NHSL1: variants seen among roughly 807,000 people sequenced by gnomAD.
NHSL1 encodes NHS-like protein 1.
A neutral mutation model predicts 95.0 loss-of-function variants in NHSL1; 48 were observed. That is an observed-to-expected ratio of 0.51 (90% CI 0.40 to 0.64). The LOEUF is 0.64. NHSL1 is among the 30% of genes least tolerant of loss of function. NHSL1 has a pLI of 0.00. For synonymous variants in NHSL1, 783 were observed against 833.9 expected (o/e 0.94, Z 1.05); for missense variants, 1,971 against 2,077.7 (o/e 0.95, Z 1.00).
At chr6:138,513,043 T>A (rs7741929) in intron 1 of NHSL1, among the ~76,000 whole-genome samples, 6,958 of 152,294 alleles carry the variant, frequency 0.046, 161 homozygotes, top group Middle Eastern at 0.071. Flanking sequence ...ATGTGCTATG[T>A]GTTCTACACA....
chr6:138,607,734 A>G (rs1784453889), intron 1 of NHSL1, among the ~76,000 whole-genome samples: 1 of 152,152 alleles, frequency 6.6e-6, no homozygotes, highest in Non-Finnish European at 1.5e-5. Flanking sequence ...CTTCCTTCCC[A>G]TGAGGCTTTG....
At chr6:138,528,730 C>T (rs1001240719) in intron 1 of NHSL1, among the ~76,000 whole-genome samples, 2 of 152,212 alleles carry the variant, frequency 1.3e-5, no homozygotes, top group African/African-American at 4.8e-5. Flanking sequence ...TGGCAAAACA[C>T]AGACCAGACT....
At chr6:138,486,072 C>A (rs181808380) in intron 2 of NHSL1, among the ~76,000 whole-genome samples, 1 of 152,168 alleles carries the variant, frequency 6.6e-6, no homozygotes, top group African/African-American at 2.4e-5. Flanking sequence ...TCCGACCCTC[C>A]GCTTTGCCCT....
At chr6:138,555,320 T>A (rs1318351521) in intron 1 of NHSL1, among the ~76,000 whole-genome samples, 2 of 152,354 alleles carry the variant, frequency 1.3e-5, no homozygotes, top group African/African-American at 4.8e-5. Context: ...TATTTCTATT[T>A]AATGCATCTT....
chr6:138,573,210 A>C (rs180917595), upstream of NHSL1, among the ~76,000 whole-genome samples: 9 of 152,194 alleles, frequency 5.9e-5, no homozygotes, highest in South Asian at 2.1e-4. Context: ...TCTGCAAACT[A>C]TCTAGAGCCA....
At chr6:138,640,344 A>T in intron 1 of NHSL1, among the ~76,000 whole-genome samples, 1 of 152,208 alleles carries the variant, frequency 6.6e-6, no homozygotes, top group Non-Finnish European at 1.5e-5. Flanking sequence ...GCATTTTCAC[A>T]GCACCTATCA....
upstream of NHSL1, among the ~76,000 whole-genome samples, chr6:138,547,014 T>A (rs191975865): frequency 6.6e-6 from 1 of 152,330 alleles, no homozygotes; most frequent in Non-Finnish European, 1.5e-5. Flanking sequence ...GAAGTGGCCA[T>A]TGTTCACAGG....
At chr6:138,555,008 T>TA (rs1414431714) in intron 1 of NHSL1, among the ~76,000 whole-genome samples, 1 of 152,132 alleles carries the variant, frequency 6.6e-6, no homozygotes, top group Non-Finnish European at 1.5e-5. Flanking sequence ...TCCCTGTCTT[T>TA]AAGAGTTTAA....
chr6:138,473,965 G>A (rs1453105621), intron 2 of NHSL1, among the ~76,000 whole-genome samples: 1 of 152,048 alleles, frequency 6.6e-6, no homozygotes, highest in Non-Finnish European at 1.5e-5. Flanking sequence ...TAATTTTGAT[G>A]TCAAACAGCC....
intron 1 of NHSL1, among the ~76,000 whole-genome samples, chr6:138,656,077 G>A (rs550445198): frequency 1.3e-5 from 2 of 152,308 alleles, no homozygotes; most frequent in South Asian, 4.1e-4. Flanking sequence ...TGACTCTGAG[G>A]AGAAACCCAT....
At chr6:138,650,405 G>A (rs796964681) in intron 1 of NHSL1, 2 of 1,427,760 alleles carry the variant, frequency 1.4e-6, no homozygotes, top group South Asian at 1.1e-5. Context: ...CGACTAGCAG[G>A]AAGGGGTAGG....
At position 138,656,024 on chromosome 6, in the gene NHSL1, C is replaced by T. The variant is rs559719098; in HGVS notation, c.96+36452G>A. On this transcript the variant is annotated intron_variant, in intron 1 of 3. Coordinates refer to the NHSL1 transcript ENST00000491526. ...GAGAAAGCCCTCCCTCTTTCCTCTTCTTTCTGCCTTCAATGGGTCCTGGAC... is the reference window on the plus strand; with the variant it reads ...GAGAAAGCCCTCCCTCTTTCCTCTTTTTTCTGCCTTCAATGGGTCCTGGAC... Among the ~76,000 whole-genome samples the T allele has an allele frequency of 5.9e-5, 9 of 152,352 alleles. 1 individual carries two copies. The East Asian group carries it at 1.7e-3, about 29-fold the overall frequency.
intron 1 of NHSL1, among the ~76,000 whole-genome samples, chr6:138,640,372 T>C (rs926680465): frequency 6.6e-6 from 1 of 152,160 alleles, no homozygotes; most frequent in Admixed American, 6.6e-5. Context: ...TAGCATGTAG[T>C]AGACATTTAA....
chr6:138,673,291 G>A (rs533416534), intron 1 of NHSL1, among the ~76,000 whole-genome samples: 77 of 151,564 alleles, frequency 5.1e-4, no homozygotes, highest in African/African-American at 1.8e-3. Context: ...CTTGGTGGGC[G>A]GGGGTGAGGG....
intron 2 of NHSL1, among the ~76,000 whole-genome samples, chr6:138,493,126 G>A (rs571731630): frequency 6.6e-6 from 1 of 152,212 alleles, no homozygotes; most frequent in African/African-American, 2.4e-5. Context: ...AAATAACTGA[G>A]AACAAAAGAA....
chr6:138,666,886 C>T (rs941968357), intron 1 of NHSL1, among the ~76,000 whole-genome samples: 2 of 152,090 alleles, frequency 1.3e-5, no homozygotes, highest in Non-Finnish European at 1.5e-5. Flanking sequence ...TTTAATCATA[C>T]CACCAATAAG....
intron 1 of NHSL1, among the ~76,000 whole-genome samples, chr6:138,584,434 T>G (rs1459693464): frequency 2.0e-5 from 3 of 152,232 alleles, no homozygotes; most frequent in African/African-American, 7.2e-5. Context: ...TTTACAGCCA[T>G]GTGCACGGCC....
At chr6:138,592,470 C>A (rs776330446) in intron 1 of NHSL1, among the ~76,000 whole-genome samples, 5 of 152,004 alleles carry the variant, frequency 3.3e-5, no homozygotes, top group Non-Finnish European at 7.4e-5. Context: ...TGGTGGCAGG[C>A]GCCCGTAATC....
At chr6:138,513,640 T>C (rs939310682) in intron 1 of NHSL1, among the ~76,000 whole-genome samples, 10 of 152,216 alleles carry the variant, frequency 6.6e-5, no homozygotes, top group African/African-American at 2.4e-4. Context: ...TCTTAGTTGC[T>C]GTGTAAAGAG....
Sources: allele counts gnomAD v4.1 joint callset (sites outside exome capture counted in the v4.1 genomes callset), GRCh38; gene constraint gnomAD v4.1.1; transcripts MANE v1.5; gene names NCBI Gene and HGNC (gene_info 2026-07-23, HGNC 2026-07-21).